Variants in ARHGAP15 observed in about 807,000 individuals in gnomAD.
ARHGAP15 encodes the protein rho GTPase-activating protein 15.
A neutral mutation model predicts 63.7 loss-of-function variants in ARHGAP15; 51 were observed. The ratio of observed to expected loss-of-function variants is 0.80; its 90% CI spans 0.64 to 1.01. The LOEUF (loss-of-function observed/expected upper bound fraction) is 1.01, where lower values mean the gene tolerates loss of function less well. ARHGAP15 is among the 50% of genes least tolerant of loss of function. ARHGAP15 has a pLI of 0.00. For synonymous variants in ARHGAP15, 191 were observed against 193.8 expected (o/e 0.99, Z 0.12); for missense variants, 560 against 564.6 (o/e 0.99, Z 0.08).
At chr2:143,376,414 C>CT (rs1686808759) in intron 6 of ARHGAP15, among the ~76,000 whole-genome samples, 1 of 152,086 alleles carries the variant, frequency 6.6e-6, no homozygotes, top group Non-Finnish European at 1.5e-5. Context: ...AGAATCAATT[C>CT]ACTGCAGCCT....
At chr2:143,674,424 A>AAATT (rs762937712) in intron 12 of ARHGAP15, among the ~76,000 whole-genome samples, 2 of 152,218 alleles carry the variant, frequency 1.3e-5, no homozygotes, top group African/African-American at 4.8e-5. Flanking sequence ...AGAATAAGTG[A>AAATT]AATTAATCTA....
intron 12 of ARHGAP15, among the ~76,000 whole-genome samples, chr2:143,680,684 C>T (rs546238279): frequency 1.6e-4 from 24 of 152,336 alleles, no homozygotes; most frequent in African/African-American, 4.3e-4. Context: ...CAGAGAGACA[C>T]GTTCTAGTTT....
At chr2:143,400,472 C>T (rs922225349) in intron 6 of ARHGAP15, among the ~76,000 whole-genome samples, 1 of 151,912 alleles carries the variant, frequency 6.6e-6, no homozygotes. Flanking sequence ...CTATAACTTA[C>T]ATTTTTGTAA....
intron 2 of ARHGAP15, among the ~76,000 whole-genome samples, chr2:143,189,109 T>C (rs1282399713): frequency 6.6e-6 from 1 of 152,200 alleles, no homozygotes; most frequent in Admixed American, 6.5e-5. Context: ...TATTTAATTA[T>C]AGGTGGACAA....
chr2:143,188,452 T>C (rs1433560269), intron 2 of ARHGAP15, among the ~76,000 whole-genome samples: 1 of 151,904 alleles, frequency 6.6e-6, no homozygotes, highest in African/African-American at 2.4e-5. Context: ...TATTAAATAA[T>C]GTAGTGCCTC....
intron 11 of ARHGAP15, among the ~76,000 whole-genome samples, chr2:143,583,093 C>T (rs994976679): frequency 6.6e-6 from 1 of 152,130 alleles, no homozygotes; most frequent in African/African-American, 2.4e-5. Context: ...TGGCCACCCT[C>T]CTGATCTTGC....
intron 8 of ARHGAP15, among the ~76,000 whole-genome samples, chr2:143,451,957 G>C (rs1156654133): frequency 1.3e-5 from 2 of 151,966 alleles, no homozygotes; most frequent in Admixed American, 6.6e-5. Context: ...AGTTAGCTAA[G>C]ACCCAACTAA....
intron 13 of ARHGAP15, among the ~76,000 whole-genome samples, chr2:143,711,558 T>C (rs538836968): frequency 5.1e-4 from 78 of 152,340 alleles, no homozygotes; most frequent in African/African-American, 1.9e-3. Context: ...GAATAAACAG[T>C]GGCAGATTAT....
At chr2:143,684,969 A>T (rs1683263445) in intron 12 of ARHGAP15, among the ~76,000 whole-genome samples, 1 of 152,228 alleles carries the variant, frequency 6.6e-6, no homozygotes, top group Non-Finnish European at 1.5e-5. Flanking sequence ...GCTGGTAATA[A>T]AGACAAGACA....
chr2:143,625,569 T>C (rs1698805023), intron 12 of ARHGAP15, among the ~76,000 whole-genome samples: 1 of 152,148 alleles, frequency 6.6e-6, no homozygotes, highest in Admixed American at 6.5e-5. Context: ...CGTGACTTCA[T>C]CTCATGACCC....
intron 13 of ARHGAP15, among the ~76,000 whole-genome samples, chr2:143,766,116 G>C (rs1294116001): frequency 1.3e-5 from 2 of 151,990 alleles, no homozygotes; most frequent in Non-Finnish European, 1.5e-5. Flanking sequence ...CACAAAAGTG[G>C]TTCTTCAGAG....
At chr2:143,130,543 A>G (rs1459049694) in intron 1 of ARHGAP15, among the ~76,000 whole-genome samples, 1 of 152,034 alleles carries the variant, frequency 6.6e-6, no homozygotes, top group African/African-American at 2.4e-5. Flanking sequence ...AGTGGCAACA[A>G]TTTTCTTTTC....
In ARHGAP15 at chr2:143,666,939, T is replaced by C. The variant is rs1314289419; in HGVS notation, c.1139-36480T>C. On this transcript the variant is annotated intron_variant, in intron 12 of 13. Transcript: ENST00000295095. ...GAAACAACAGGTGCTGGAGAGGATG[T>C]GGAGAAATAGGAACACTTTTACACT... 2.0e-4 allele frequency among the ~76,000 whole-genome samples: 28 copies of C among 140,396 alleles called. 1 individual carries two copies. Among genetic ancestry groups the C allele is most frequent in the African/African-American group, 7.5e-4 (27 of 35,890 alleles). 92.1% of individuals were successfully genotyped at this position (140,396 alleles called of 152,430 possible). A position where few individuals can be genotyped will look rare whatever the true frequency, so the allele number is the denominator to read the frequency against.
chr2:143,737,519 A>G (rs1685791075), intron 13 of ARHGAP15, among the ~76,000 whole-genome samples: 4 of 152,206 alleles, frequency 2.6e-5, no homozygotes, highest in Admixed American at 2.0e-4. Flanking sequence ...AGTCATAAAC[A>G]ATAGGTTTTA....
chr2:143,576,231 C>T (rs1055041545), intron 11 of ARHGAP15, among the ~76,000 whole-genome samples: 1 of 152,086 alleles, frequency 6.6e-6, no homozygotes, highest in African/African-American at 2.4e-5. Flanking sequence ...AATTTCCCAC[C>T]AGCATTTCAC....
intron 6 of ARHGAP15, among the ~76,000 whole-genome samples, chr2:143,381,259 C>T (rs997531720): frequency 6.6e-6 from 1 of 152,052 alleles, no homozygotes; most frequent in African/African-American, 2.4e-5. Context: ...ATATTCTCCC[C>T]AGATGATTAT....
intron 6 of ARHGAP15, among the ~76,000 whole-genome samples, chr2:143,343,114 T>C (rs1685131939): frequency 6.6e-6 from 1 of 152,054 alleles, no homozygotes; most frequent in African/African-American, 2.4e-5. Flanking sequence ...GTATAATTAG[T>C]AGTAGGGTAG....
chr2:143,226,372 G>T (rs1177439662), intron 4 of ARHGAP15, among the ~76,000 whole-genome samples: 1 of 152,180 alleles, frequency 6.6e-6, no homozygotes, highest in Non-Finnish European at 1.5e-5. Context: ...CTCCTTGTGA[G>T]AATATGAAAT....
chr2:143,707,671 A>G (rs558185500), intron 13 of ARHGAP15, among the ~76,000 whole-genome samples: 1 of 152,348 alleles, frequency 6.6e-6, no homozygotes, highest in African/African-American at 2.4e-5. Context: ...AAAATTGTCC[A>G]TGGTAGCACT....
Sources: allele counts gnomAD v4.1 joint callset (sites outside exome capture counted in the v4.1 genomes callset), GRCh38; gene constraint gnomAD v4.1.1; transcripts MANE v1.5; gene names NCBI Gene and HGNC (gene_info 2026-07-23, HGNC 2026-07-21).